The following CHD6 variants were observed in gnomAD, a reference collection of about 807,000 sequenced individuals.
CHD6 encodes chromodomain helicase DNA binding protein 6.
CHD6 carries 50 observed loss-of-function variants against 276.9 expected under a neutral mutation model. The ratio of observed to expected loss-of-function variants is 0.18; its 90% CI spans 0.14 to 0.23. CHD6 has a LOEUF of 0.23. Ranked by LOEUF, CHD6 falls within the 10% of genes least tolerant of loss-of-function variation. CHD6 has a pLI of 1.00. For synonymous variants in CHD6, 1,173 were observed against 1,229.3 expected (o/e 0.95, Z 0.96); for missense variants, 2,564 against 3,365.8 (o/e 0.76, Z 5.89).
At position 41,405,426 on chromosome 20, in the gene CHD6, G is replaced by A. The variant is rs779264955; in HGVS notation, c.7315C>T (p.Pro2439Ser). 2 of 1,609,198 alleles carry A rather than the reference G, an allele frequency of 1.2e-6. No homozygotes were observed. The highest frequency in any genetic ancestry group is 1.7e-5 in the Admixed American group (1 of 59,688). The change falls in exon 37 of 37, where the codon CCC becomes TCC. Residue 2439 changes from proline to serine, a missense_variant. This residue lies in a region of CHD6 where 1,024 missense variants were observed against 1,047.9 expected (regional missense o/e 0.98). Coordinates refer to ENST00000373233, the MANE Select transcript of CHD6 (RefSeq NM_032221.5). ...LAEPILRDTG[P>S]RRRGRRPRSE... is the part of the protein sequence containing the mutation. ...CGAGGCCGCCTCCCCCTCCTGCGGG[G>A]GCCCGTATCTCGAAGAATAGGCTCA...
chr20:41,411,222 G>T (rs1231762420), intron 36 of CHD6, among the ~76,000 whole-genome samples: 2 of 151,298 alleles, frequency 1.3e-5, no homozygotes, highest in African/African-American at 4.9e-5. Flanking sequence ...TGACACTCTT[G>T]AACAAGTTCC....
intron 17 of CHD6, 62 bp from the exon 18 acceptor site, chr20:41,457,490 G>A (rs780875244): frequency 3.5e-5 from 55 of 1,553,596 alleles, no homozygotes; most frequent in Non-Finnish European, 4.7e-5. Context: ...GCAACCCTGG[G>A]AATAGGGGAG....
At chr20:41,526,877 G>A (rs2044551775) in intron 3 of CHD6, among the ~76,000 whole-genome samples, 2 of 152,112 alleles carry the variant, frequency 1.3e-5, no homozygotes, top group Admixed American at 1.3e-4. Context: ...ATTTTGAACT[G>A]CAAATTCCTG....
intron 27 of CHD6, among the ~76,000 whole-genome samples, chr20:41,434,291 C>T (rs1437910701): frequency 1.3e-5 from 2 of 152,196 alleles, no homozygotes; most frequent in African/African-American, 4.8e-5. Flanking sequence ...AAGTACCCTT[C>T]AGAGCAAAGA....
chr20:41,577,127 T>TAA (rs1468526269), intron 1 of CHD6, among the ~76,000 whole-genome samples: 1 of 152,200 alleles, frequency 6.6e-6, no homozygotes, highest in Non-Finnish European at 1.5e-5. Flanking sequence ...AAAAAATCAC[T>TAA]AAGCAAAGAG....
intron 16 of CHD6, among the ~76,000 whole-genome samples, chr20:41,475,956 T>C (rs376673481): frequency 1.5e-3 from 227 of 152,316 alleles, no homozygotes; most frequent in Middle Eastern, 0.014. Flanking sequence ...AATAATTCTC[T>C]ATCACTTGTT....
At chr20:41,482,347 G>A (rs2043314345) in intron 16 of CHD6, among the ~76,000 whole-genome samples, 3 of 152,090 alleles carry the variant, frequency 2.0e-5, no homozygotes, top group African/African-American at 4.8e-5. Context: ...ATAGAGCTCT[G>A]AGGAATTATT....
rs536349505 is a variant in CHD6, at chr20:41,530,516, C to CA, written c.554+2533dup. Among the ~76,000 whole-genome samples the CA allele has an allele frequency of 7.1e-4, 108 of 152,134 alleles. No homozygotes were observed. In the Middle Eastern group the frequency reaches 0.014, roughly 19 times the overall value. On this transcript the variant is annotated intron_variant, in intron 3 of 36. Transcript: ENST00000373233. ...ATCTGCAAGAGTAAATCAACGAGAA[C>CA]AAAAAACTAAGGCTTAATTACTAAC...
At chr20:41,471,955 C>T (rs933181998) in intron 17 of CHD6, among the ~76,000 whole-genome samples, 1 of 151,606 alleles carries the variant, frequency 6.6e-6, no homozygotes, top group Admixed American at 6.6e-5. Flanking sequence ...GACAAAGGGC[C>T]GGGTGCAGTG....
intron 2 of CHD6, among the ~76,000 whole-genome samples, chr20:41,542,813 T>C (rs1380799070): frequency 6.6e-6 from 1 of 151,324 alleles, no homozygotes; most frequent in Non-Finnish European, 1.5e-5. Context: ...ACACATAAAA[T>C]GGATGCCAAG....
chr20:41,514,882 T>G lies in CHD6; in HGVS notation c.625A>C (p.Ser209Arg), dbSNP rs2044213966. Reference sequence around the variant, plus strand: ...GTCAGGCCCTGATCCAGCTCTAAACTCTCCACTGTAGTTTCACTTTTCCTT... The same window carrying G: ...GTCAGGCCCTGATCCAGCTCTAAACGCTCCACTGTAGTTTCACTTTTCCTT... Reference protein sequence around the residue: ...GKRKSETTVESLELDQGLTNP... With the variant: ...GKRKSETTVERLELDQGLTNP... The change falls in exon 4 of 37, where the codon AGT becomes CGT. Residue 209 changes from serine to arginine, a missense_variant. Physicochemically the swap from Ser to Arg is moderately radical, Grantham distance 110. Coordinates refer to ENST00000373233, the MANE Select transcript of CHD6 (RefSeq NM_032221.5). The G allele has an allele frequency of 6.2e-7, 1 of 1,613,934 alleles. No individual in the cohort carries two copies. Among genetic ancestry groups the G allele is most frequent in the African/African-American group, 1.3e-5 (1 of 74,926 alleles).
intron 30 of CHD6, among the ~76,000 whole-genome samples, 195 bp downstream of exon 30, chr20:41,423,297 C>A (rs574953161): frequency 6.6e-6 from 1 of 152,286 alleles, no homozygotes; most frequent in African/African-American, 2.4e-5. Context: ...GAAGTTACAT[C>A]ATTTTGGGAG....
At chr20:41,447,242 A>G (rs2048097813) in intron 24 of CHD6, among the ~76,000 whole-genome samples, 1 of 152,194 alleles carries the variant, frequency 6.6e-6, no homozygotes, top group South Asian at 2.1e-4. Context: ...CAAAGTCCAA[A>G]TATCAGCACT....
intron 5 of CHD6, among the ~76,000 whole-genome samples, chr20:41,511,462 T>C (rs552091473): frequency 6.6e-6 from 1 of 152,364 alleles, no homozygotes; most frequent in African/African-American, 2.4e-5. Flanking sequence ...AGTACCTCTG[T>C]ATTAAGTGCT....
intron 2 of CHD6, among the ~76,000 whole-genome samples, chr20:41,535,731 T>G (rs2044816372): frequency 6.6e-6 from 1 of 152,062 alleles, no homozygotes; most frequent in Non-Finnish European, 1.5e-5. Context: ...CCAGCAGTGG[T>G]GGTGCACACC....
Position 41,483,386 on chromosome 20 carries a change from T to C in CHD6, c.2391A>G (p.Ala797=). Residue 797 remains alanine, a synonymous_variant, in exon 16 of 37, where the codon GCA becomes GCG. Transcript: ENST00000373233. ...AGAAGATGAGTACTTTGTGGCCACC[T>C]GCAATCAGCTTAGGGAGTAGTTTAT... ...LIDKLLPKLI[A]GGHKVLIFSQ... 2 of 1,613,886 alleles carry C rather than the reference T, an allele frequency of 1.2e-6. No homozygotes were observed. The highest frequency in any genetic ancestry group is 1.1e-5 in the South Asian group (1 of 91,070).
chr20:41,591,365 C>CATAT (rs761622140), intron 1 of CHD6, among the ~76,000 whole-genome samples: 104 of 144,086 alleles, frequency 7.2e-4, no homozygotes, highest in Admixed American at 1.7e-3. Flanking sequence ...TATAATTTTA[C>CATAT]ATATATATAT....
chr20:41,404,897 G>C lies in CHD6; in HGVS notation c.7844C>G (p.Pro2615Arg). ...SPVAFNPFLI[P>R]GVSPGLIYPS... ...GTAAATGAGTCCAGGAGATACTCCT[G>C]GGATGAGAAATGGGTTAAAAGCCAC... The change falls in exon 37 of 37, where the codon CCA becomes CGA. Residue 2615 changes from proline to arginine, a missense_variant. Transcript: ENST00000373233. The C allele has an allele frequency of 6.2e-7, 1 of 1,614,090 alleles. No homozygotes were observed. The highest frequency in any genetic ancestry group is 8.5e-7 in the Non-Finnish European group (1 of 1,179,994).
intron 2 of CHD6, among the ~76,000 whole-genome samples, chr20:41,538,583 T>C (rs2044880948): frequency 6.6e-6 from 1 of 152,226 alleles, no homozygotes; most frequent in Non-Finnish European, 1.5e-5. Context: ...CTTGTGAATA[T>C]TCTAAAAACC....
Sources: gnomAD v4.1 joint callset for allele counts (sites outside exome capture counted in the v4.1 genomes callset) on GRCh38, gnomAD v4.1.1 for gene constraint, gnomAD v4.1.1 regional missense constraint, MANE v1.5 for transcripts, NCBI Gene and HGNC (gene_info 2026-07-23, HGNC 2026-07-21) for gene names.